The following DCC variants were observed in gnomAD, a reference collection of about 807,000 sequenced individuals.
DCC encodes the protein DCC netrin 1 receptor.
A neutral mutation model predicts 172.5 loss-of-function variants in DCC; 58 were observed. The ratio of observed to expected loss-of-function variants is 0.34; its 90% CI spans 0.27 to 0.42. The LOEUF is 0.42. Among genes scored for constraint, DCC ranks in the 10% least tolerant of loss-of-function variants. The pLI, the probability that DCC is intolerant of heterozygous loss-of-function variation, is 1.00. For missense variants in DCC, 1,740 were observed against 1,791.0 expected (o/e 0.97, Z 0.51); for synonymous variants, 709 against 644.5 (o/e 1.10, Z -1.52).
At chr18:52,542,745 A>C (rs1451228233) in intron 1 of DCC, among the ~76,000 whole-genome samples, 1 of 152,124 alleles carries the variant, frequency 6.6e-6, no homozygotes, top group African/African-American at 2.4e-5. Flanking sequence ...AGGCTGAGGC[A>C]GGAGAATCAC....
At position 52,925,112 on chromosome 18, in the gene DCC, T is replaced by C. The variant is rs528000723; in HGVS notation, c.849-122T>C. On this transcript the variant is annotated intron_variant, in intron 4 of 28. Coordinates refer to ENST00000442544, the MANE Select transcript of DCC (RefSeq NM_005215.4). The stretch of plus-strand genomic sequence containing the variant: ...AAGTGAGACTTTAATCAAGCCCTTA[T>C]GATACACAGTTTCTTTCAAGTGTCT... The C allele has an allele frequency of 2.2e-3, 2,138 of 979,388 alleles. 6 individuals are homozygous for C. The highest frequency in any genetic ancestry group is 3.0e-3 in the Non-Finnish European group (1,882 of 620,404). 60.7% of individuals were successfully genotyped at this position (979,388 alleles called of 1,614,324 possible). A position where few individuals can be genotyped will look rare whatever the true frequency, so the allele number is the denominator to read the frequency against.
chr18:53,460,274 GTTTTTTTTTTTTTT>G (rs766940670), intron 24 of DCC, among the ~76,000 whole-genome samples: 1 of 81,088 alleles, frequency 1.2e-5, no homozygotes, highest in East Asian at 4.2e-4. Context: ...AGGAGCTCCT[GTTTTTTTTTTTTTT>G]TTTTTTTTTT....
intron 9 of DCC, among the ~76,000 whole-genome samples, chr18:53,186,974 A>C (rs2055291426): frequency 6.6e-6 from 1 of 152,184 alleles, no homozygotes; most frequent in Admixed American, 6.5e-5. Flanking sequence ...TATAAGGACT[A>C]ATCTCTTCAT....
rs190052582 is a variant in DCC, at chr18:53,279,827, C to T, written c.1912-25751C>T. ...GAAGCCAAAATCCTGAGTGAACTAA[C>T]GCAGGAACAGAAAACCAAATACTGT... On this transcript the variant is annotated intron_variant, in intron 12 of 28. Coordinates refer to ENST00000442544, the MANE Select transcript of DCC (RefSeq NM_005215.4). Among the ~76,000 whole-genome samples the T allele has an allele frequency of 1.5e-3, 235 of 152,052 alleles. 1 individual carries two copies. Among genetic ancestry groups the T allele is most frequent in the African/African-American group, 5.4e-3 (225 of 41,512 alleles).
intron 1 of DCC, among the ~76,000 whole-genome samples, chr18:52,437,856 T>A (rs1189104803): frequency 8.5e-5 from 13 of 152,182 alleles, no homozygotes; most frequent in Non-Finnish European, 1.5e-5. Flanking sequence ...TCCTTTACAG[T>A]GGCAGTAAAT....
chr18:52,910,329 T>C (rs1568181674), intron 3 of DCC, among the ~76,000 whole-genome samples: 1 of 152,158 alleles, frequency 6.6e-6, no homozygotes, highest in Non-Finnish European at 1.5e-5. Flanking sequence ...TAGAAGATAT[T>C]TTCCCATAAA....
At chr18:53,054,755 G>A (rs1054946924) in intron 5 of DCC, among the ~76,000 whole-genome samples, 9 of 152,216 alleles carry the variant, frequency 5.9e-5, no homozygotes, top group South Asian at 2.1e-4. Flanking sequence ...GACACTAAAT[G>A]TTCTTCATTC....
chr18:52,808,804 T>C (rs986948702), intron 2 of DCC, among the ~76,000 whole-genome samples: 1 of 152,230 alleles, frequency 6.6e-6, no homozygotes, highest in Non-Finnish European at 1.5e-5. Flanking sequence ...CTTCTTCTTT[T>C]GATTGTCAGT....
At chr18:53,409,593 A>C (rs1251535612) in intron 19 of DCC, among the ~76,000 whole-genome samples, 1 of 152,172 alleles carries the variant, frequency 6.6e-6, no homozygotes, top group Admixed American at 6.5e-5. Context: ...GCTAGGTCAC[A>C]AATTGGTTAA....
intron 1 of DCC, among the ~76,000 whole-genome samples, chr18:52,352,669 C>T (rs1012370215): frequency 2.0e-5 from 3 of 152,150 alleles, no homozygotes; most frequent in African/African-American, 7.2e-5. Flanking sequence ...AGGGTCTTCT[C>T]TGTGGAGGAG....
intron 27 of DCC, among the ~76,000 whole-genome samples, chr18:53,518,857 C>A (rs563096584): frequency 2.0e-5 from 3 of 152,236 alleles, no homozygotes; most frequent in South Asian, 4.2e-4. Context: ...GATCATTTAA[C>A]CTCAGAAACG....
intron 1 of DCC, among the ~76,000 whole-genome samples, chr18:52,581,188 T>TATCTATCTATCTATCTATCC (rs1555699062): frequency 1.9e-3 from 1 of 522 alleles, no homozygotes; most frequent in Non-Finnish European, 0.017. Flanking sequence ...CTATATATCT[T>TATCTATCTATCTATCTATCC]ATCTATCTAT....
intron 1 of DCC, among the ~76,000 whole-genome samples, chr18:52,402,598 T>C (rs1379626213): frequency 6.6e-6 from 1 of 152,064 alleles, no homozygotes; most frequent in African/African-American, 2.4e-5. Flanking sequence ...CTTCTTTCTG[T>C]CTGTCATTTA....
At chr18:53,057,648 G>T (rs2042428688) in intron 5 of DCC, among the ~76,000 whole-genome samples, 1 of 152,058 alleles carries the variant, frequency 6.6e-6, no homozygotes. Context: ...TTGAAACATT[G>T]TACATGTGTA....
rs772420537 is a variant in DCC, at chr18:53,130,579, T to C, written c.1262-26777T>C. The stretch of plus-strand genomic sequence containing the variant: ...GTAGAGAAAACCCACTAAGTTGACG[T>C]ATGTGGTGGAGATGGGAATAGAGAG... On this transcript the variant is annotated intron_variant, in intron 7 of 28. Transcript: ENST00000442544. 2.0e-4 allele frequency among the ~76,000 whole-genome samples: 31 copies of C among 152,234 alleles called. 1 individual carries two copies. Among genetic ancestry groups the C allele is most frequent in the Middle Eastern group, 6.8e-3 (2 of 294 alleles).
At chr18:53,420,573 C>T (rs536905053) in intron 21 of DCC, among the ~76,000 whole-genome samples, 56 of 152,110 alleles carry the variant, frequency 3.7e-4, no homozygotes, top group Non-Finnish European at 6.9e-4. Flanking sequence ...TGGTGAGGGT[C>T]CTCTTCCTGG....
At chr18:52,467,112 G>T (rs1221981) in intron 1 of DCC, among the ~76,000 whole-genome samples, 31,147 of 151,780 alleles carry the variant, frequency 0.21, 4,027 homozygotes, top group Non-Finnish European at 0.29. Flanking sequence ...GTTTGTTGTA[G>T]AGTATACATG....
intron 5 of DCC, among the ~76,000 whole-genome samples, chr18:52,972,886 T>C (rs751079355): frequency 6.6e-6 from 1 of 152,240 alleles, no homozygotes; most frequent in Non-Finnish European, 1.5e-5. Flanking sequence ...CAGTTTTGAA[T>C]GGTTCCATGC....
At chr18:53,471,518 A>G (rs1203490071) in intron 25 of DCC, among the ~76,000 whole-genome samples, 2 of 152,190 alleles carry the variant, frequency 1.3e-5, no homozygotes, top group Non-Finnish European at 1.5e-5. Flanking sequence ...CTTCCATCAC[A>G]TGTAGAAACA....
Sources: allele counts gnomAD v4.1 joint callset (sites outside exome capture counted in the v4.1 genomes callset), GRCh38; gene constraint gnomAD v4.1.1; transcripts MANE v1.5; gene names NCBI Gene and HGNC (gene_info 2026-07-23, HGNC 2026-07-21).